ACER3: variants seen among roughly 807,000 people sequenced by gnomAD.
ACER3 encodes alkCDase 3.
A neutral mutation model predicts 48.9 loss-of-function variants in ACER3; 16 were observed. The observed-to-expected ratio is 0.33, with a 90% CI of 0.22 to 0.50. The LOEUF is 0.50. ACER3 is among the 20% of genes least tolerant of loss of function. The pLI is 0.98. For missense variants in ACER3, 227 were observed against 326.0 expected, an observed-to-expected ratio of 0.70 and a Z score of 2.34; for synonymous variants, 109 against 107.8, an observed-to-expected ratio of 1.01 and a Z score of -0.07.
At chr11:76,962,635 T>C (rs529199442) in intron 3 of ACER3, among the ~76,000 whole-genome samples, 3 of 151,526 alleles carry the variant, frequency 2.0e-5, no homozygotes, top group Non-Finnish European at 4.4e-5. Context: ...CTAGCCAATG[T>C]CTAGGCTCTT....
chr11:76,929,672 G>A (rs1312385791), intron 2 of ACER3, among the ~76,000 whole-genome samples: 1 of 152,188 alleles, frequency 6.6e-6, no homozygotes, highest in Non-Finnish European at 1.5e-5. Context: ...AGAGTTTTTA[G>A]CACGAAGGGC....
chr11:76,953,878 T>C (rs1947758565), intron 2 of ACER3, among the ~76,000 whole-genome samples: 1 of 152,150 alleles, frequency 6.6e-6, no homozygotes, highest in Non-Finnish European at 1.5e-5. Flanking sequence ...TGTCATTTTT[T>C]AACAACTGTA....
intron 2 of ACER3, among the ~76,000 whole-genome samples, chr11:76,934,832 T>C (rs912523243): frequency 6.6e-6 from 1 of 152,056 alleles, no homozygotes; most frequent in Non-Finnish European, 1.5e-5. Context: ...CTCTATAAAA[T>C]AGACCCCCCA....
chr11:76,902,048 ATT>A (rs34230393), intron 1 of ACER3, among the ~76,000 whole-genome samples: 2 of 150,180 alleles, frequency 1.3e-5, no homozygotes, highest in Non-Finnish European at 3.0e-5. Flanking sequence ...CCCTTGTGGC[ATT>A]TTTTTTTTCC....
At chr11:76,998,910 A>C in intron 7 of ACER3, 89 bp downstream of exon 7, 1 of 1,026,728 alleles carries the variant, frequency 9.7e-7, no homozygotes, top group Non-Finnish European at 1.4e-6. Flanking sequence ...TAACACATAA[A>C]AGCTCACTTC....
intron 3 of ACER3, among the ~76,000 whole-genome samples, chr11:76,965,558 G>GAA (rs201367252): frequency 1.3e-5 from 2 of 151,498 alleles, no homozygotes; most frequent in East Asian, 3.9e-4. Flanking sequence ...CAGCCAGACA[G>GAA]AAAGGTAGGG....
At chr11:76,923,283 A>G (rs903601430) in intron 1 of ACER3, among the ~76,000 whole-genome samples, 2 of 152,148 alleles carry the variant, frequency 1.3e-5, no homozygotes, top group African/African-American at 2.4e-5. Flanking sequence ...ATAGTAACAT[A>G]TCCTTCACCT....
chr11:76,878,434 T>G (rs1945440282), intron 1 of ACER3, among the ~76,000 whole-genome samples: 1 of 152,112 alleles, frequency 6.6e-6, no homozygotes, highest in Non-Finnish European at 1.5e-5. Context: ...AAGTTAAAAC[T>G]GAAAAAAGTT....
At chr11:76,948,775 G>A (rs185529625) in intron 2 of ACER3, among the ~76,000 whole-genome samples, 12 of 152,270 alleles carry the variant, frequency 7.9e-5, no homozygotes, top group African/African-American at 2.6e-4. Context: ...TGGCAAATAA[G>A]CTAACTTGCT....
At chr11:77,012,731 A>C (rs1949295242) in intron 7 of ACER3, among the ~76,000 whole-genome samples, 1 of 152,178 alleles carries the variant, frequency 6.6e-6, no homozygotes, top group African/African-American at 2.4e-5. Context: ...TTAAGATGCC[A>C]GTTCTCCAAT....
chr11:77,013,780 A>G (rs1409018159), intron 7 of ACER3, among the ~76,000 whole-genome samples: 1 of 152,204 alleles, frequency 6.6e-6, no homozygotes, highest in Non-Finnish European at 1.5e-5. Flanking sequence ...TTATTTGTGA[A>G]TGTTCATAGC....
chr11:77,020,512 G>C lies in ACER3; in HGVS notation c.*185G>C, dbSNP rs1289773006. 3 of 591,546 alleles carry C rather than the reference G, an allele frequency of 5.1e-6. No individual in the cohort carries two copies. Among genetic ancestry groups the C allele is most frequent in the Non-Finnish European group, 5.8e-6 (2 of 341,902 alleles). 36.6% of individuals were successfully genotyped at this position (591,546 alleles called of 1,614,324 possible). ...AGGGCCTGCTGGGTGTTTAGCTCATGGCTTTATCTTATTTGTCCCCCTCCT... is the reference window on the plus strand; with the variant it reads ...AGGGCCTGCTGGGTGTTTAGCTCATCGCTTTATCTTATTTGTCCCCCTCCT... On this transcript the variant is annotated 3_prime_UTR_variant, in exon 11 of 11. Coordinates refer to ENST00000532485, the MANE Select transcript of ACER3 (RefSeq NM_018367.7).
chr11:76,915,468 G>T (rs933804137), intron 1 of ACER3, among the ~76,000 whole-genome samples: 19 of 151,852 alleles, frequency 1.3e-4, no homozygotes, highest in African/African-American at 4.4e-4. Flanking sequence ...CACCATTTTT[G>T]TCTCGATGTT....
At chr11:76,987,765 C>T (rs1047628136) in intron 5 of ACER3, among the ~76,000 whole-genome samples, 1 of 152,128 alleles carries the variant, frequency 6.6e-6, no homozygotes, top group East Asian at 1.9e-4. Flanking sequence ...AGTGAGACCT[C>T]GTCTCTACAA....
At chr11:76,880,967 A>C (rs1945509114) in intron 1 of ACER3, among the ~76,000 whole-genome samples, 1 of 152,084 alleles carries the variant, frequency 6.6e-6, no homozygotes, top group South Asian at 2.1e-4. Flanking sequence ...TTGTAAGAAG[A>C]TGCCAGGGTG....
chr11:76,965,219 G>A (rs1267727761), intron 3 of ACER3, among the ~76,000 whole-genome samples: 1 of 151,306 alleles, frequency 6.6e-6, no homozygotes, highest in East Asian at 1.9e-4. Context: ...AGTGATGGAA[G>A]ACGAAATGAA....
chr11:76,992,596 G>A (rs140792953), intron 6 of ACER3, among the ~76,000 whole-genome samples: 58 of 152,268 alleles, frequency 3.8e-4, no homozygotes, highest in African/African-American at 1.1e-3. Flanking sequence ...AATCAGGATA[G>A]AGAAATGAAG....
At chr11:76,964,785 A>G (rs1409210006) in intron 3 of ACER3, among the ~76,000 whole-genome samples, 4 of 151,406 alleles carry the variant, frequency 2.6e-5, no homozygotes, top group Admixed American at 2.0e-4. Context: ...ACAAACAGAA[A>G]GGACATCCAC....
In ACER3 at chr11:76,985,590, T is replaced by C. The variant is rs17135310; in HGVS notation, c.321-53T>C. 28,729 of 1,146,450 alleles carry C rather than the reference T, an allele frequency of 0.025. 4,822 individuals are homozygous for C. In the African/African-American group the frequency reaches 0.39, roughly 15 times the overall value. 71.0% of individuals were successfully genotyped at this position (1,146,450 alleles called of 1,614,324 possible). A position where few individuals can be genotyped will look rare whatever the true frequency, so the allele number is the denominator to read the frequency against. On this transcript the variant is annotated intron_variant, in intron 4 of 10. Transcript: ENST00000532485. ...GCAAGTGGTAAAGCAGCATTCTATTTATGTTCCTACTTATATATTCTTTTA... is the reference window on the plus strand; with the variant it reads ...GCAAGTGGTAAAGCAGCATTCTATTCATGTTCCTACTTATATATTCTTTTA...
Sources: allele counts gnomAD v4.1 joint callset (sites outside exome capture counted in the v4.1 genomes callset), GRCh38; gene constraint gnomAD v4.1.1; transcripts MANE v1.5; gene names NCBI Gene and HGNC (gene_info 2026-07-23, HGNC 2026-07-21).